The following GNG12 variants were observed in gnomAD, a reference collection of about 807,000 sequenced individuals.
The protein encoded by GNG12 is G protein subunit gamma 12, also known as guanine nucleotide-binding protein G(I)/G(S)/G(O) subunit gamma-12.
For synonymous variants in GNG12, 28 were observed against 29.7 expected (o/e 0.94, Z 0.19); for missense variants, 69 against 83.8 (o/e 0.82, Z 0.69).
At chr1:67,823,859 GTT>G (rs1646996866) in intron 1 of GNG12, among the ~76,000 whole-genome samples, 1 of 152,158 alleles carries the variant, frequency 6.6e-6, no homozygotes, top group African/African-American at 2.4e-5. Context: ...TCACAGCACT[GTT>G]TGTAATAGCA....
intron 2 of GNG12, among the ~76,000 whole-genome samples, chr1:67,775,121 A>G (rs2100760230): frequency 6.6e-6 from 1 of 152,360 alleles, no homozygotes; most frequent in Admixed American, 6.5e-5. Context: ...GGCCGACTGG[A>G]GATCCACAAT....
At chr1:67,740,665 C>G (rs1646477896) in intron 2 of GNG12, among the ~76,000 whole-genome samples, 2 of 152,166 alleles carry the variant, frequency 1.3e-5, no homozygotes, top group African/African-American at 2.4e-5. Flanking sequence ...AATCCTAACC[C>G]CATGGTGACA....
intron 2 of GNG12, 26 bp from the exon 3 acceptor site, chr1:67,707,738 A>C (rs1646258169): frequency 9.2e-7 from 1 of 1,090,276 alleles, no homozygotes. Flanking sequence ...TTTAAAGACA[A>C]GTAACAGGCA....
At chr1:67,786,952 T>C (rs1646771993) in intron 1 of GNG12, among the ~76,000 whole-genome samples, 1 of 126,820 alleles carries the variant, frequency 7.9e-6, no homozygotes, top group African/African-American at 2.6e-5. Context: ...TGTGTGTGTG[T>C]GTGTGTGTGT....
chr1:67,764,758 G>C (rs1646626237), intron 2 of GNG12, among the ~76,000 whole-genome samples: 1 of 152,220 alleles, frequency 6.6e-6, no homozygotes, highest in African/African-American at 2.4e-5. Flanking sequence ...AAGCAAGGAA[G>C]ATGGGTGTTC....
chr1:67,737,094 AATG>A (rs1236842187), intron 2 of GNG12, among the ~76,000 whole-genome samples: 1 of 152,160 alleles, frequency 6.6e-6, no homozygotes, highest in East Asian at 1.9e-4. Flanking sequence ...GCTTCCTTAA[AATG>A]ATGTTTGCAA....
At chr1:67,739,254 T>A (rs1217740614) in intron 2 of GNG12, among the ~76,000 whole-genome samples, 1 of 152,206 alleles carries the variant, frequency 6.6e-6, no homozygotes, top group Non-Finnish European at 1.5e-5. Context: ...CCACCCTGTA[T>A]GCCTGTCAAA....
intron 2 of GNG12, among the ~76,000 whole-genome samples, chr1:67,709,894 ATATATATTTT>A (rs1176681824): frequency 1.3e-4 from 15 of 112,650 alleles, no homozygotes; most frequent in African/African-American, 1.9e-4. Context: ...ATATAGTTAT[ATATATATTTT>A]TATATAGTTA....
At chr1:67,750,457 C>T (rs563202058) in intron 2 of GNG12, among the ~76,000 whole-genome samples, 12 of 152,314 alleles carry the variant, frequency 7.9e-5, no homozygotes, top group East Asian at 1.9e-4. Context: ...ACGAGGTGCA[C>T]GCTTTTTGAG....
intron 1 of GNG12, among the ~76,000 whole-genome samples, chr1:67,830,072 C>T (rs1461356642): frequency 7.0e-6 from 1 of 143,136 alleles, no homozygotes; most frequent in Non-Finnish European, 1.5e-5. Context: ...ATGGCACGAT[C>T]TCGATTCACC....
intron 2 of GNG12, among the ~76,000 whole-genome samples, chr1:67,737,385 G>A (rs1436633211): frequency 2.0e-5 from 3 of 152,086 alleles, no homozygotes; most frequent in Non-Finnish European, 4.4e-5. Flanking sequence ...TCATTTATTG[G>A]CCTGAAGAAA....
chr1:67,714,167 A>G (rs1646311667), intron 2 of GNG12, among the ~76,000 whole-genome samples: 1 of 152,190 alleles, frequency 6.6e-6, no homozygotes, highest in Non-Finnish European at 1.5e-5. Flanking sequence ...ATTTCCTTTT[A>G]AAAGGAAGAC....
rs753197245 is a variant in GNG12 at position 67,705,429 on chromosome 1, G to A, written c.*22C>T. Reference sequence around the variant, plus strand: ...ATAATTTGCGTTGTTGGGAAGAGGCGAGGAGCTGTTTCTCTATTCCACTAT... The same window carrying A: ...ATAATTTGCGTTGTTGGGAAGAGGCAAGGAGCTGTTTCTCTATTCCACTAT... On this transcript the variant is annotated 3_prime_UTR_variant, in exon 4 of 4. Transcript: ENST00000370982. 49 of 1,611,752 alleles carry A rather than the reference G, an allele frequency of 3.0e-5. No homozygotes were observed. The highest frequency in any genetic ancestry group is 6.7e-5 in the Admixed American group (4 of 59,634).
intron 2 of GNG12, 64 bp downstream of exon 2, chr1:67,777,394 A>C (rs1214983278): frequency 2.4e-5 from 6 of 250,740 alleles, no homozygotes; most frequent in Non-Finnish European, 3.8e-5. Context: ...CTAACTTAGA[A>C]GTGTGAATAT....
intron 2 of GNG12, among the ~76,000 whole-genome samples, chr1:67,709,710 C>T (rs547598863): frequency 6.7e-6 from 1 of 149,054 alleles, no homozygotes; most frequent in East Asian, 2.0e-4. Context: ...TTTCTGTGCT[C>T]CCAGACCAGC....
At chr1:67,808,830 A>T (rs1422663462) in intron 1 of GNG12, among the ~76,000 whole-genome samples, 2 of 152,202 alleles carry the variant, frequency 1.3e-5, no homozygotes, top group South Asian at 2.1e-4. Flanking sequence ...ATGTTCACAG[A>T]CAGGAAAACA....
intron 2 of GNG12, among the ~76,000 whole-genome samples, chr1:67,754,498 G>T (rs115607498): frequency 0.034 from 5,118 of 152,150 alleles, 112 homozygotes; most frequent in Admixed American, 0.066. Flanking sequence ...TTACCCCACT[G>T]CCCCACCCTA....
chr1:67,816,615 G>T lies in GNG12; in HGVS notation c.-77+16729C>A, dbSNP rs1207501060. On this transcript the variant is annotated intron_variant, in intron 1 of 3. Transcript: ENST00000370982. ...TTCCAGGTGGGCCCTGCCACTTACG[G>T]TGTGACTCCTAAATACCTGTGGGGC... Among the ~76,000 whole-genome samples the T allele has an allele frequency of 5.3e-5, 8 of 152,246 alleles. No individual in the cohort carries two copies. In the East Asian group the frequency reaches 1.4e-3, roughly 26 times the overall value.
intron 2 of GNG12, among the ~76,000 whole-genome samples, chr1:67,749,209 T>A (rs2100723336): frequency 6.6e-6 from 1 of 152,358 alleles, no homozygotes; most frequent in Admixed American, 6.5e-5. Flanking sequence ...TGGGTTCGCA[T>A]CCTGCCTTTG....
Sources: gnomAD v4.1 joint callset for allele counts (sites outside exome capture counted in the v4.1 genomes callset) on GRCh38, gnomAD v4.1.1 for gene constraint, MANE v1.5 for transcripts, NCBI Gene and HGNC (gene_info 2026-07-23, HGNC 2026-07-21) for gene names.